Variants in FHAD1 observed in about 807,000 individuals in gnomAD.
The protein encoded by FHAD1 is forkhead associated phosphopeptide binding domain 1.
A neutral mutation model predicts 191.3 loss-of-function variants in FHAD1; 146 were observed. That is an observed-to-expected ratio of 0.76 (90% CI 0.67 to 0.88). The LOEUF (loss-of-function observed/expected upper bound fraction) is 0.88, where lower values mean the gene tolerates loss of function less well. Ranked by LOEUF, FHAD1 falls within the 40% of genes least tolerant of loss-of-function variation. The probability of loss-of-function intolerance (pLI) is 0.00; values close to 1 mark genes in which losing one functional copy is unlikely to be tolerated. For synonymous variants in FHAD1, 616 were observed against 672.3 expected (o/e 0.92, Z 1.29); for missense variants, 1,635 against 1,785.8 (o/e 0.92, Z 1.52).
At chr1:15,258,337 C>T (rs34531800) in intron 2 of FHAD1, among the ~76,000 whole-genome samples, 2,105 of 152,284 alleles carry the variant, frequency 0.014, 47 homozygotes, top group African/African-American at 0.047. Context: ...CTATACTATA[C>T]GCTGAATCGT....
At chr1:15,239,119 G>A (rs956639625) in intron 1 of FHAD1, among the ~76,000 whole-genome samples, 1 of 152,156 alleles carries the variant, frequency 6.6e-6, no homozygotes, top group African/African-American at 2.4e-5. Context: ...TGTTGCCTAT[G>A]CTGGTTCAAA....
intron 11 of FHAD1, 55 bp downstream of exon 11, chr1:15,324,614 C>G (rs1558113340): frequency 1.5e-6 from 2 of 1,302,182 alleles, no homozygotes. Flanking sequence ...TGATTGCACC[C>G]AAGCAGCCAG....
At chr1:15,307,734 CTTT>C (rs1173045025) in intron 6 of FHAD1, among the ~76,000 whole-genome samples, 1 of 145,550 alleles carries the variant, frequency 6.9e-6, no homozygotes, top group South Asian at 2.2e-4. Context: ...ACCTCTTTCT[CTTT>C]TTTTTTTTTT....
intron 21 of FHAD1, among the ~76,000 whole-genome samples, chr1:15,359,228 C>T (rs183628440): frequency 1.5e-3 from 231 of 152,090 alleles, no homozygotes; most frequent in Non-Finnish European, 2.9e-3. Context: ...CAAAAGCTCC[C>T]GAGATTTGGG....
intron 20 of FHAD1, 44 bp downstream of exon 20, chr1:15,353,028 C>CCCTTCGCTGTGCTG: frequency 2.9e-6 from 4 of 1,396,888 alleles, no homozygotes; most frequent in Non-Finnish European, 4.0e-6. Context: ...CCCAGCACAG[C>CCCTTCGCTGTGCTG]GAAGGGCAGT....
In FHAD1 at chr1:15,374,542, C is replaced by T. The variant is rs1411617169; in HGVS notation, c.3488C>T (p.Ser1163Phe). The T allele has an allele frequency of 5.2e-6, 8 of 1,551,648 alleles. No individual in the cohort carries two copies. The African/African-American group carries it at 6.8e-5, about 13-fold the overall frequency. Residue 1163 changes from serine to phenylalanine, a missense_variant, in exon 27 of 34, where the codon TCC becomes TTC. Physicochemically the swap from Ser to Phe is radical, Grantham distance 155 (BLOSUM62 -2). Transcript: ENST00000688493. ...FSDLGVRCKG[S>F]RHEEVIQRQK... ...GATCTAGGGGTCAGGTGCAAAGGGT[C>T]CCGGCACGAGGAGGTCATTCAGCGT...
At chr1:15,287,670 C>T (rs1662975707) in intron 3 of FHAD1, among the ~76,000 whole-genome samples, 1 of 152,160 alleles carries the variant, frequency 6.6e-6, no homozygotes, top group African/African-American at 2.4e-5. Flanking sequence ...GGGTGGGGCA[C>T]AGCCAAACCA....
At chr1:15,369,879 T>G (rs576060012) in intron 26 of FHAD1, among the ~76,000 whole-genome samples, 24 of 152,226 alleles carry the variant, frequency 1.6e-4, no homozygotes, top group Non-Finnish European at 3.1e-4. Flanking sequence ...CTGACAGTAA[T>G]GACCACCCCC....
intron 10 of FHAD1, among the ~76,000 whole-genome samples, chr1:15,321,791 GCA>G (rs1676373647): frequency 6.6e-6 from 1 of 152,190 alleles, no homozygotes; most frequent in Non-Finnish European, 1.5e-5. Flanking sequence ...GTGCATGTTT[GCA>G]TGCACATGTG....
chr1:15,271,841 T>C (rs1163160524), intron 2 of FHAD1, among the ~76,000 whole-genome samples: 5 of 152,194 alleles, frequency 3.3e-5, no homozygotes, highest in African/African-American at 9.7e-5. Context: ...CTATTTCTTG[T>C]TTGGGCCATT....
At chr1:15,338,658 C>T (rs1249048888) in intron 14 of FHAD1, among the ~76,000 whole-genome samples, 1 of 152,162 alleles carries the variant, frequency 6.6e-6, no homozygotes, top group Non-Finnish European at 1.5e-5. Flanking sequence ...CCTCCCCCGG[C>T]TCTCTGAATT....
chr1:15,374,357 C>A (rs1698968535), intron 26 of FHAD1, 145 bp from the exon 27 acceptor site: 1 of 934,204 alleles, frequency 1.1e-6, no homozygotes, highest in Non-Finnish European at 1.6e-6. Flanking sequence ...AATGTAAATT[C>A]TATCTCTGCT....
At position 15,384,989 on chromosome 1, in the gene FHAD1, C is replaced by T. The variant is rs184281122; in HGVS notation, c.4188+2796C>T. 9.2e-5 allele frequency among the ~76,000 whole-genome samples: 14 copies of T among 152,276 alleles called. No homozygotes were observed. The East Asian group carries it at 2.1e-3, about 23-fold the overall frequency. On this transcript the variant is annotated intron_variant, in intron 31 of 33. Coordinates refer to ENST00000688493, the MANE Select transcript of FHAD1 (RefSeq NM_001391957.1). The stretch of plus-strand genomic sequence containing the variant: ...CCTCCCAGCCCATCCACTCATCCCC[C>T]CTATTCCTTTCCAGGATGCACCCCG...
chr1:15,381,376 TCA>T lies in FHAD1; in HGVS notation c.3949_3950del (p.Thr1317ProfsTer17). 3 of 1,551,694 alleles carry T rather than the reference TCA, an allele frequency of 1.9e-6. No homozygotes were observed. In the African/African-American group the frequency reaches 4.1e-5, roughly 21 times the overall value. ...GACCTCGACCTGGTGTTTGATAAGA[TCA>T]CCCAACTCAAGAACCAGCTGGGGAG... On this transcript the variant is annotated frameshift_variant, in exon 30 of 34. Transcript: ENST00000688493. LOFTEE classifies it high-confidence loss of function. The surrounding 1 kb of genome is among the most constrained non-coding windows in gnomAD (Gnocchi z 4.6).
downstream of FHAD1, among the ~76,000 whole-genome samples, chr1:15,399,229 G>T (rs1424714489): frequency 1.3e-5 from 2 of 152,156 alleles, no homozygotes; most frequent in African/African-American, 4.8e-5. Flanking sequence ...AACTCTTTGT[G>T]TGATATTCCA....
In FHAD1 at chr1:15,371,351, T is replaced by C. The variant is rs182269284; in HGVS notation, c.3447+1849T>C. On this transcript the variant is annotated intron_variant, in intron 26 of 33. Coordinates refer to ENST00000688493, the MANE Select transcript of FHAD1 (RefSeq NM_001391957.1). Reference sequence around the variant, plus strand: ...AGTTTATATTATGTGGAAGGATTAGTGGAGGAGGACGGGGGAGGGAGACTG... The same window carrying C: ...AGTTTATATTATGTGGAAGGATTAGCGGAGGAGGACGGGGGAGGGAGACTG... Among the ~76,000 whole-genome samples the C allele has an allele frequency of 2.4e-3, 371 of 152,296 alleles. 2 individuals carry two copies. Among genetic ancestry groups the C allele is most frequent in the Non-Finnish European group, 2.1e-3 (145 of 68,026 alleles).
Position 15,324,446 on chromosome 1 carries a change from T to A in FHAD1, c.1366-6T>A. The A allele has an allele frequency of 6.5e-7, 1 of 1,547,682 alleles. No individual in the cohort carries two copies. The highest frequency in any genetic ancestry group is 8.7e-7 in the Non-Finnish European group (1 of 1,142,924). ...CAGCAAGTACTCGCTTTCATCGTCATTTCAGGTTGAAGAGAAGCTTCAGGA... is the reference window on the plus strand; with the variant it reads ...CAGCAAGTACTCGCTTTCATCGTCAATTCAGGTTGAAGAGAAGCTTCAGGA... On this transcript the variant is annotated splice_region_variant and splice_polypyrimidine_tract_variant and intron_variant, in intron 10 of 33. Transcript: ENST00000688493.
chr1:15,396,682 T>G (rs1349315234), intron 33 of FHAD1, among the ~76,000 whole-genome samples: 1 of 151,906 alleles, frequency 6.6e-6, no homozygotes, highest in Non-Finnish European at 1.5e-5. Flanking sequence ...TGGCGGCATG[T>G]GCCTGTAGTC....
chr1:15,251,932 C>T (rs1646823471), intron 2 of FHAD1, 55 bp downstream of exon 2: 7 of 1,409,958 alleles, frequency 5.0e-6, no homozygotes, highest in Non-Finnish European at 5.9e-6. Flanking sequence ...CCTTCTCCCT[C>T]TCTAACAGTC....
Sources: allele counts gnomAD v4.1 joint callset (sites outside exome capture counted in the v4.1 genomes callset), GRCh38; gene constraint gnomAD v4.1.1; non-coding constraint Gnocchi (gnomAD v3.1); transcripts MANE v1.5; gene names NCBI Gene and HGNC (gene_info 2026-07-23, HGNC 2026-07-21).